DDX10: variants seen among roughly 807,000 people sequenced by gnomAD.
DDX10 encodes probable ATP-dependent RNA helicase DDX10.
DDX10 carries 74 observed loss-of-function variants against 104.3 expected under a neutral mutation model. That is an observed-to-expected ratio of 0.71 (90% CI 0.59 to 0.86). The LOEUF (loss-of-function observed/expected upper bound fraction) is 0.86. DDX10 is among the 40% of genes least tolerant of loss of function. The pLI is 0.00. For missense variants in DDX10, 952 were observed against 1,040.0 expected, an observed-to-expected ratio of 0.92 and a Z score of 1.16; for synonymous variants, 351 against 353.4, an observed-to-expected ratio of 0.99 and a Z score of 0.08.
intron 17 of DDX10, chr11:108,921,478 C>G (rs1863825316): frequency 6.6e-6 from 1 of 152,212 alleles, no homozygotes; most frequent in South Asian, 2.1e-4. Flanking sequence ...AGTGAGTCCT[C>G]TTGACATGTT....
chr11:108,670,630 G>A (rs1448310233), intron 1 of DDX10, among the ~76,000 whole-genome samples: 1 of 151,664 alleles, frequency 6.6e-6, no homozygotes. Flanking sequence ...AAGGGGTGGT[G>A]TGTGTTGGAG....
chr11:108,852,385 C>G (rs1862806621), intron 16 of DDX10, among the ~76,000 whole-genome samples, 176 bp downstream of exon 16: 1 of 152,184 alleles, frequency 6.6e-6, no homozygotes, highest in Admixed American at 6.5e-5. Context: ...TGGATTCAAG[C>G]CCATGTGGCC....
chr11:108,838,666 C>T, intron 14 of DDX10, 101 bp downstream of exon 14: 1 of 1,330,924 alleles, frequency 7.5e-7, no homozygotes, highest in Non-Finnish European at 1.0e-6. Context: ...GTAAATGTTT[C>T]TCTACAGCAT....
Position 108,722,986 on chromosome 11 carries a change from C to T in DDX10, c.1500-11C>T, listed in dbSNP as rs1252711145. On this transcript the variant is annotated splice_polypyrimidine_tract_variant and intron_variant, in intron 12 of 17. Transcript: ENST00000322536. ...TTGAGATGACTGTTTTCACGTTTTT[C>T]CATATTTAAGGTCTCTTGGTCTTGC... The T allele has an allele frequency of 3.8e-6, 6 of 1,582,194 alleles. No individual in the cohort carries two copies. Among genetic ancestry groups the T allele is most frequent in the Admixed American group, 1.9e-5 (1 of 52,858 alleles).
At chr11:108,697,001 TG>T (rs1310247943) in intron 9 of DDX10, among the ~76,000 whole-genome samples, 1 of 152,186 alleles carries the variant, frequency 6.6e-6, no homozygotes, top group Non-Finnish European at 1.5e-5. Context: ...AACATTAAAT[TG>T]GGTCTTAATG....
At chr11:108,817,339 AAAC>A (rs1303643182) in intron 13 of DDX10, among the ~76,000 whole-genome samples, 5 of 152,038 alleles carry the variant, frequency 3.3e-5, no homozygotes, top group Non-Finnish European at 7.4e-5. Context: ...TGTTTCTTGA[AAAC>A]AACAAACTCA....
At chr11:108,783,145 A>ACT (rs1861730063) in intron 13 of DDX10, among the ~76,000 whole-genome samples, 1 of 152,140 alleles carries the variant, frequency 6.6e-6, no homozygotes, top group African/African-American at 2.4e-5. Context: ...AAATATTAGA[A>ACT]TTGTTTCTGT....
chr11:108,888,735 GGGAT>G (rs1863335136), intron 16 of DDX10, among the ~76,000 whole-genome samples: 1 of 151,854 alleles, frequency 6.6e-6, no homozygotes, highest in Non-Finnish European at 1.5e-5. Flanking sequence ...GACTAGACGT[GGGAT>G]ATACATATTG....
intron 17 of DDX10, among the ~76,000 whole-genome samples, chr11:108,928,875 A>G (rs919027208): frequency 6.6e-5 from 10 of 152,354 alleles, no homozygotes; most frequent in South Asian, 4.1e-4. Context: ...TAGGATAGCT[A>G]CTTTTCCTTG....
chr11:108,904,714 G>C (rs1192743916), intron 16 of DDX10, among the ~76,000 whole-genome samples: 1 of 151,462 alleles, frequency 6.6e-6, no homozygotes, highest in Non-Finnish European at 1.5e-5. Context: ...ATCTCAACTA[G>C]TTCCGTCAGG....
At position 108,903,570 on chromosome 11, in the gene DDX10, C is replaced by T. The variant is rs187563008; in HGVS notation, c.2305-14303C>T. ...CAGTGTAAGAACTGTTTACATAGCCCTTATAAAATATTATATTAGGTATTA... is the reference window on the plus strand; with the variant it reads ...CAGTGTAAGAACTGTTTACATAGCCTTTATAAAATATTATATTAGGTATTA... On this transcript the variant is annotated intron_variant, in intron 16 of 17. Coordinates refer to ENST00000322536, the MANE Select transcript of DDX10 (RefSeq NM_004398.4). Among the ~76,000 whole-genome samples, 504 of 152,162 alleles carry T rather than the reference C, an allele frequency of 3.3e-3. 15 individuals carry two copies. The highest frequency in any genetic ancestry group is 0.031 in the Admixed American group (469 of 15,270).
intron 13 of DDX10, among the ~76,000 whole-genome samples, chr11:108,820,037 C>T (rs1862305796): frequency 6.6e-6 from 1 of 152,156 alleles, no homozygotes; most frequent in African/African-American, 2.4e-5. Context: ...CTTCAAAGCT[C>T]AAGAAGATAA....
chr11:108,887,953 C>T (rs79788873), intron 16 of DDX10, among the ~76,000 whole-genome samples: 5,883 of 69,268 alleles, frequency 0.085, 419 homozygotes, highest in African/African-American at 0.2. Flanking sequence ...AGAAATACAG[C>T]TTTTTTCCCC....
At chr11:108,933,547 C>T (rs1864000912) in intron 17 of DDX10, among the ~76,000 whole-genome samples, 1 of 152,122 alleles carries the variant, frequency 6.6e-6, no homozygotes, top group South Asian at 2.1e-4. Context: ...AAGTGACATG[C>T]CGAGTTTTGA....
At chr11:108,874,093 G>T (rs975693501) in intron 16 of DDX10, among the ~76,000 whole-genome samples, 2 of 151,976 alleles carry the variant, frequency 1.3e-5, no homozygotes, top group East Asian at 3.8e-4. Flanking sequence ...CACAAAAGTA[G>T]AAAAAACAAT....
chr11:108,927,466 A>G (rs768254861), intron 17 of DDX10, among the ~76,000 whole-genome samples: 6 of 152,128 alleles, frequency 3.9e-5, no homozygotes, highest in Non-Finnish European at 7.4e-5. Flanking sequence ...TTATAACTTA[A>G]TTATTGGAAC....
intron 13 of DDX10, among the ~76,000 whole-genome samples, chr11:108,780,463 C>G (rs2134538568): frequency 6.6e-6 from 1 of 152,150 alleles, no homozygotes. Flanking sequence ...TCTAGTCTGT[C>G]TGTTTAGGCC....
intron 17 of DDX10, among the ~76,000 whole-genome samples, chr11:108,937,392 C>T (rs1420551179): frequency 6.6e-6 from 1 of 152,036 alleles, no homozygotes; most frequent in East Asian, 1.9e-4. Context: ...TTCAATTTCT[C>T]GGATTATTTT....
intron 13 of DDX10, among the ~76,000 whole-genome samples, chr11:108,817,425 C>T (rs575677797): frequency 6.6e-6 from 1 of 152,100 alleles, no homozygotes; most frequent in South Asian, 2.1e-4. Context: ...GCATGAGTTC[C>T]TCCTTCTTTT....
Sources: allele counts gnomAD v4.1 joint callset (sites outside exome capture counted in the v4.1 genomes callset), GRCh38; gene constraint gnomAD v4.1.1; transcripts MANE v1.5; gene names NCBI Gene and HGNC (gene_info 2026-07-23, HGNC 2026-07-21).